PRRC2C: variants seen among roughly 807,000 people sequenced by gnomAD.
PRRC2C encodes proline rich coiled-coil 2C.
A neutral mutation model predicts 317.2 loss-of-function variants in PRRC2C; 72 were observed. That is an observed-to-expected ratio of 0.23 (90% confidence interval 0.19 to 0.28). The LOEUF is 0.28. Among genes scored for constraint, PRRC2C ranks in the 10% least tolerant of loss-of-function variants. The pLI, the probability that PRRC2C is intolerant of heterozygous loss-of-function variation, is 1.00. For synonymous variants in PRRC2C, 1,296 were observed against 1,205.9 expected (o/e 1.07, Z -1.55); for missense variants, 3,074 against 3,459.7 (o/e 0.89, Z 2.80).
intron 20 of PRRC2C, among the ~76,000 whole-genome samples, chr1:171,563,870 A>C (rs1683145738): frequency 6.6e-6 from 1 of 152,216 alleles, no homozygotes; most frequent in African/African-American, 2.4e-5. Flanking sequence ...TATGAAGGAA[A>C]GAGTGGAAGT....
rs151322984 is a variant in PRRC2C, at chr1:171,549,968, T to C, written c.4973-118T>C. ...GAAATAGGTTATACACTATAAGTTA[T>C]AGGAACTAGGCCTTTGGCTAGTTTT... On this transcript the variant is annotated intron_variant, in intron 17 of 34. Transcript: ENST00000647382. 6.1e-4 allele frequency: 445 copies of C among 728,098 alleles called. 8 individuals carry two copies. The East Asian group carries it at 0.011, about 17-fold the overall frequency. 45.1% of individuals were successfully genotyped at this position (728,098 alleles called of 1,614,324 possible).
intron 22 of PRRC2C, among the ~76,000 whole-genome samples, chr1:171,567,073 A>T (rs546630408): frequency 7.2e-5 from 11 of 152,214 alleles, no homozygotes; most frequent in Admixed American, 4.6e-4. Context: ...GGACTATTTG[A>T]GTAGCTTAAA....
In PRRC2C at chr1:171,540,716, C is replaced by G; in HGVS notation, c.3250C>G (p.Pro1084Ala). 1 of 1,613,982 alleles carries G rather than the reference C, an allele frequency of 6.2e-7. No individual in the cohort carries two copies. The highest frequency in any genetic ancestry group is 8.5e-7 in the Non-Finnish European group (1 of 1,179,890). ...ACAGTCAGTTCCACCACCAATTCAA[C>G]CAGAAGCAGAGAAATTTCCTTCAAC... is the stretch of plus-strand genomic sequence containing the variant. ...QPQSVPPPIQ[P>A]EAEKFPSTET... The change falls in exon 16 of 35, where the codon CCA (proline) becomes GCA (alanine). Residue 1084 changes from proline to alanine, a missense_variant. Transcript: ENST00000647382.
rs1343337266 is a variant in PRRC2C at position 171,557,425 on chromosome 1, A to C, written c.5313A>C (p.Pro1771=). 6.5e-7 allele frequency: 1 copy of C among 1,546,952 alleles called. No homozygotes were observed. Among genetic ancestry groups the C allele is most frequent in the Admixed American group, 2.0e-5 (1 of 50,606 alleles). Residue 1771 remains proline (P), a synonymous_variant, in exon 19 of 35, where the codon CCA becomes CCC. Transcript: ENST00000647382. ...CAGTTCCAGCCTCAACCTCAGCTCC[A>C]CTTCCGGCAACCTTAACTCCAGTTC... is the stretch of plus-strand genomic sequence containing the variant. ...SASVPASTSA[P]LPATLTPVPA...
chr1:171,532,881 T>C lies in PRRC2C; in HGVS notation c.1793T>C (p.Leu598Ser), dbSNP rs906814866. The change falls in exon 12 of 35, where the codon TTA (leucine) becomes TCA (serine). Residue 598 changes from leucine (L) to serine (S), a missense_variant. By Grantham distance (145) the Leu-to-Ser change is moderately radical (BLOSUM62 -2). This residue lies in a region of PRRC2C where 1,320 missense variants were observed against 1,395.7 expected (regional missense o/e 0.95). Transcript: ENST00000647382. ...ECELEKEREK[L>S]EEKIEPREPN... ...GAGCTGGAGAAGGAAAGGGAAAAATTAGAGGAGAAAATTGAACCCAGAGAA... is the reference window on the plus strand; with the variant it reads ...GAGCTGGAGAAGGAAAGGGAAAAATCAGAGGAGAAAATTGAACCCAGAGAA... 6 of 1,584,142 alleles carry C rather than the reference T, an allele frequency of 3.8e-6. No individual in the cohort carries two copies. Among genetic ancestry groups the C allele is most frequent in the Admixed American group, 2.0e-5 (1 of 50,254 alleles).
chr1:171,525,923 G>A (rs1468365191), intron 10 of PRRC2C, among the ~76,000 whole-genome samples: 1 of 152,188 alleles, frequency 6.6e-6, no homozygotes, highest in African/African-American at 2.4e-5. Flanking sequence ...TCTTTAAAAT[G>A]TATGCTATAT....
At chr1:171,554,719 G>A (rs534285079) in intron 18 of PRRC2C, among the ~76,000 whole-genome samples, 5 of 152,284 alleles carry the variant, frequency 3.3e-5, no homozygotes, top group East Asian at 1.9e-4. Flanking sequence ...CTTCACTTAC[G>A]AAGCTTAGTT....
At chr1:171,505,217 A>T (rs1336744190) in intron 1 of PRRC2C, among the ~76,000 whole-genome samples, 2 of 151,876 alleles carry the variant, frequency 1.3e-5, no homozygotes, top group Non-Finnish European at 2.9e-5. Flanking sequence ...TAGTAGAGAC[A>T]GAGTTTCTCC....
At chr1:171,493,622 C>T (rs1049857093) in intron 1 of PRRC2C, among the ~76,000 whole-genome samples, 1 of 152,156 alleles carries the variant, frequency 6.6e-6, no homozygotes, top group Non-Finnish European at 1.5e-5. Flanking sequence ...GAATTTGACA[C>T]CAGCCTGGCC....
chr1:171,524,879 G>A lies in PRRC2C; in HGVS notation c.1114G>A (p.Val372Ile), dbSNP rs772797094. ...CGAAAACAAAAAAGAAACAGATGAA[G>A]TTTCCAACACTAAATCATCTTCCCA... Reference protein sequence around the residue: ...NNENKKETDEVSNTKSSSQIP... With the variant: ...NNENKKETDEISNTKSSSQIP... Residue 372 changes from valine (V) to isoleucine (I), a missense_variant, in exon 10 of 35, where the codon GTT (valine) becomes ATT (isoleucine). This residue lies in a region of PRRC2C where 1,320 missense variants were observed against 1,395.7 expected (regional missense o/e 0.95). Transcript: ENST00000647382. 1.2e-6 allele frequency: 2 copies of A among 1,606,470 alleles called. No homozygotes were observed. Among genetic ancestry groups the A allele is most frequent in the South Asian group, 2.2e-5 (2 of 89,592 alleles).
At chr1:171,532,257 G>C (rs1006248461) in intron 11 of PRRC2C, 86 bp from the exon 12 acceptor site, 1 of 1,365,712 alleles carries the variant, frequency 7.3e-7, no homozygotes, top group African/African-American at 1.5e-5. Context: ...TGATATTTTT[G>C]TGGGGTTTTT....
chr1:171,561,125 C>A, intron 20 of PRRC2C, 22 bp downstream of exon 20: 1 of 1,541,684 alleles, frequency 6.5e-7, no homozygotes, highest in Non-Finnish European at 9.0e-7. Context: ...CTTTTAACAG[C>A]ATAGGTGTGC....
At position 171,574,987 on chromosome 1, in the gene PRRC2C, G is replaced by T. The variant is rs756264325; in HGVS notation, c.6814G>T (p.Val2272Leu). 4 of 1,613,816 alleles carry T rather than the reference G, an allele frequency of 2.5e-6. No homozygotes were observed. In the African/African-American group the frequency reaches 4.0e-5, roughly 16 times the overall value. ...AAATGTAAGGGAAAAGGGGTCTCCA[G>T]TAACTTCCACAGCACCTCCAATTGC... ...SPNVREKGSP[V>L]TSTAPPIATG... Residue 2272 changes from valine to leucine, a missense_variant, in exon 25 of 35, where the codon GTA becomes TTA. Coordinates refer to ENST00000647382, the MANE Select transcript of PRRC2C (RefSeq NM_001387844.1).
At chr1:171,577,771 ATT>A (rs1553245738) in intron 26 of PRRC2C, 134 bp downstream of exon 26, 3,853 of 294,970 alleles carry the variant, frequency 0.013, no homozygotes, top group Admixed American at 0.022. Context: ...TTAAATTCGC[ATT>A]TTTTTTTTTT....
intron 17 of PRRC2C, among the ~76,000 whole-genome samples, chr1:171,549,528 AG>A (rs1172546773): frequency 6.6e-6 from 1 of 152,110 alleles, no homozygotes; most frequent in African/African-American, 2.4e-5. Flanking sequence ...ATATTACTTA[AG>A]GAAAAGAAAA....
At position 171,571,420 on chromosome 1, in the gene PRRC2C, A is replaced by G. The variant is rs1163275560; in HGVS notation, c.6752A>G (p.Lys2251Arg). ...VPPTTFSLTF[K>R]MESARKAWEN... ...CCCACTACTTTCAGCCTCACCTTCA[A>G]GGTATGTACAACATCCATCTCTAAG... Residue 2251 changes from lysine to arginine, a missense_variant and splice_region_variant, in exon 24 of 35, where the codon AAG (lysine) becomes AGG (arginine). Lys to Arg is a conservative substitution (Grantham distance 26, BLOSUM62 2). Coordinates refer to ENST00000647382, the MANE Select transcript of PRRC2C (RefSeq NM_001387844.1). 1.3e-5 allele frequency: 21 copies of G among 1,580,324 alleles called. No homozygotes were observed. The highest frequency in any genetic ancestry group is 1.8e-5 in the Non-Finnish European group (21 of 1,149,652).
chr1:171,535,108 G>A (rs1171584790), intron 12 of PRRC2C, among the ~76,000 whole-genome samples: 1 of 151,400 alleles, frequency 6.6e-6, no homozygotes, highest in Non-Finnish European at 1.5e-5. Context: ...TTACATTGAT[G>A]TTTATTGAAA....
Position 171,557,331 on chromosome 1 carries a change from A to T in PRRC2C, c.5219A>T (p.Gln1740Leu). The T allele has an allele frequency of 6.4e-7, 1 of 1,552,038 alleles. No individual in the cohort carries two copies. Among genetic ancestry groups the T allele is most frequent in the Admixed American group, 2.0e-5 (1 of 51,010 alleles). ...RFAKKQATGI[Q>L]QAQSSASVPP... ...GCCAAAAAACAGGCTACAGGGATCC[A>T]GCAAGCACAGTCTTCAGCCTCAGTT... Residue 1740 changes from glutamine to leucine, a missense_variant, in exon 19 of 35, where the codon CAG becomes CTG. By Grantham distance (113) the Gln-to-Leu change is moderately radical. Around this residue, in one of 11 missense-constraint regions of PRRC2C, gnomAD observed 640 missense variants for 676.1 expected, o/e 0.95. Coordinates refer to ENST00000647382, the MANE Select transcript of PRRC2C (RefSeq NM_001387844.1).
intron 1 of PRRC2C, among the ~76,000 whole-genome samples, chr1:171,499,239 G>A (rs1668648806): frequency 6.6e-6 from 1 of 152,174 alleles, no homozygotes; most frequent in African/African-American, 2.4e-5. Flanking sequence ...AGGAAAGCAC[G>A]TCTCTTGTTC....
Sources: gnomAD v4.1 joint callset for allele counts (sites outside exome capture counted in the v4.1 genomes callset) on GRCh38, gnomAD v4.1.1 for gene constraint, gnomAD v4.1.1 regional missense constraint, MANE v1.5 for transcripts, NCBI Gene and HGNC (gene_info 2026-07-23, HGNC 2026-07-21) for gene names.